The following AMELY variants were observed in gnomAD, a reference collection of about 807,000 sequenced individuals.
AMELY encodes amelogenin, Y isoform.
A neutral mutation model predicts 4.2 loss-of-function variants in AMELY; 4 were observed. That is an observed-to-expected ratio of 0.96 (90% CI 0.47 to 2.19). The LOEUF (loss-of-function observed/expected upper bound fraction) is 2.19, where lower values mean the gene tolerates loss of function less well. Among genes scored for constraint, AMELY ranks in the 30% most tolerant of loss-of-function variants. The pLI, the probability that AMELY is intolerant of heterozygous loss-of-function variation, is 0.02. For missense variants in AMELY, 32 were observed against 41.5 expected (o/e 0.77, Z 0.63); for synonymous variants, 11 against 14.7 (o/e 0.75, Z 0.57).
intron 1 of AMELY, among the ~76,000 whole-genome samples, chrY:6,891,809 C>T (rs866367976): frequency 8.9e-5 from 3 of 33,669 alleles, no homozygotes; most frequent in African/African-American, 3.5e-4. Context: ...ACAGGGAGTA[C>T]GAAAGGCTTG....
At chrY:6,868,593 G>T in intron 5 of AMELY, 131 bp from the exon 6 acceptor site, 1 of 321,528 alleles carries the variant, frequency 3.1e-6, no homozygotes. Context: ...ATTTGTAACT[G>T]TGTACACAGA....
At chrY:6,883,608 C>T in intron 1 of AMELY, among the ~76,000 whole-genome samples, 1 of 32,670 alleles carries the variant, frequency 3.1e-5, no homozygotes. Context: ...AAAAGAAAAG[C>T]TGATGAAGTG....
At chrY:6,910,211 G>A in intron 1 of AMELY, among the ~76,000 whole-genome samples, 1 of 32,535 alleles carries the variant, frequency 3.1e-5, no homozygotes, top group Non-Finnish European at 7.5e-5. Context: ...TTTTGCAAAG[G>A]GGGGAGCCTC....
At chrY:6,872,416 A>G (rs2054068679) in intron 3 of AMELY, 139 bp downstream of exon 3, 2 of 168,118 alleles carry the variant, frequency 1.2e-5, no homozygotes, top group East Asian at 2.3e-4. Flanking sequence ...TCATTCCCCA[A>G]AGTGTTTCTT....
At position 6,868,070 on chromosome Y, in the gene AMELY, C is replaced by A; in HGVS notation, c.540G>T (p.Trp180Cys). ...PILPDLHLEAWPATDKTKQEE... is the reference protein window; with the variant it reads ...PILPDLHLEACPATDKTKQEE... ...CCTGCTTGGTCTTGTCTGTTGCTGG[C>A]CAAGCTTCCAGATGCAGATCAGGAA... Residue 180 changes from tryptophan to cysteine, a missense_variant, in exon 6 of 7, where the codon TGG (tryptophan) becomes TGT (cysteine). Coordinates refer to ENST00000651267, the MANE Select transcript of AMELY (RefSeq NM_001143.2). 5 of 393,711 alleles carry A rather than the reference C, an allele frequency of 1.3e-5. No homozygotes were observed. Among genetic ancestry groups the A allele is most frequent in the Non-Finnish European group, 1.8e-5 (5 of 281,178 alleles).
chrY:6,889,839 T>A, intron 1 of AMELY, among the ~76,000 whole-genome samples: 1 of 31,292 alleles, frequency 3.2e-5, no homozygotes, highest in Non-Finnish European at 7.7e-5. Flanking sequence ...GTCACAGTGA[T>A]TTGGGAATGG....
At chrY:6,885,270 G>C (rs2054078625) in intron 1 of AMELY, among the ~76,000 whole-genome samples, 1 of 33,499 alleles carries the variant, frequency 3.0e-5, no homozygotes, top group Admixed American at 2.7e-4. Context: ...ACGAGGTCAG[G>C]AGATCGAGAC....
At chrY:6,902,649 C>A (rs2054090079) in intron 1 of AMELY, among the ~76,000 whole-genome samples, 1 of 31,463 alleles carries the variant, frequency 3.2e-5, no homozygotes, top group South Asian at 7.9e-4. Flanking sequence ...CTCCCGGGTA[C>A]AAGCGATTCT....
At chrY:6,894,151 T>C in intron 1 of AMELY, among the ~76,000 whole-genome samples, 1 of 33,217 alleles carries the variant, frequency 3.0e-5, no homozygotes, top group Non-Finnish European at 7.4e-5. Context: ...TCCTAGTTCC[T>C]AAACCCCAGC....
chrY:6,889,601 G>A, intron 1 of AMELY, among the ~76,000 whole-genome samples: 1 of 32,387 alleles, frequency 3.1e-5, no homozygotes, highest in African/African-American at 1.2e-4. Flanking sequence ...TCAACATGGT[G>A]AAACACTGTT....
At chrY:6,897,746 C>T in intron 1 of AMELY, among the ~76,000 whole-genome samples, 1 of 30,846 alleles carries the variant, frequency 3.2e-5, no homozygotes, top group Non-Finnish European at 7.8e-5. Context: ...GCTGGGAGTA[C>T]AGGCACATGC....
At chrY:6,894,437 T>TA (rs2054085140) in intron 1 of AMELY, among the ~76,000 whole-genome samples, 1 of 33,945 alleles carries the variant, frequency 2.9e-5, no homozygotes, top group African/African-American at 1.1e-4. Flanking sequence ...CCTTTCAGGC[T>TA]ACTTGTAATC....
chrY:6,886,979 G>A (rs1057082578), intron 1 of AMELY, among the ~76,000 whole-genome samples: 17 of 33,334 alleles, frequency 5.1e-4, no homozygotes, highest in Non-Finnish European at 1.0e-3. Flanking sequence ...CTGACTCATC[G>A]CACACACACA....
At chrY:6,886,481 T>C (rs2054080260) in intron 1 of AMELY, among the ~76,000 whole-genome samples, 1 of 33,593 alleles carries the variant, frequency 3.0e-5, no homozygotes, top group Non-Finnish European at 7.4e-5. Flanking sequence ...TAGACAAGCC[T>C]GGGCGATATA....
chrY:6,890,292 T>C, intron 1 of AMELY, among the ~76,000 whole-genome samples: 1 of 32,735 alleles, frequency 3.1e-5, no homozygotes, highest in Non-Finnish European at 7.4e-5. Flanking sequence ...CTGCCAAGCC[T>C]GTTCCATATA....
chrY:6,885,131 G>C, intron 1 of AMELY, among the ~76,000 whole-genome samples: 1 of 34,060 alleles, frequency 2.9e-5, no homozygotes, highest in Admixed American at 2.7e-4. Flanking sequence ...ACGGACTGCT[G>C]TTGGAATATA....
intron 1 of AMELY, among the ~76,000 whole-genome samples, chrY:6,908,273 T>C: frequency 9.8e-5 from 3 of 30,641 alleles, no homozygotes; most frequent in African/African-American, 3.9e-4. Context: ...CTGGCCAACA[T>C]GGTGAAACCC....
intron 1 of AMELY, among the ~76,000 whole-genome samples, chrY:6,886,490 T>C (rs778200448): frequency 1.7e-3 from 56 of 33,570 alleles, no homozygotes; most frequent in Admixed American, 1.6e-3. Flanking sequence ...CTGGGCGATA[T>C]AGCAAGAACC....
At chrY:6,869,481 T>TA (rs542106110) in intron 4 of AMELY, among the ~76,000 whole-genome samples, 1,559 of 33,213 alleles carry the variant, frequency 0.047, no homozygotes, top group Middle Eastern at 0.37. Context: ...ATGTAATCAA[T>TA]AAAAAAAATC....
Sources: gnomAD v4.1 joint callset for allele counts (sites outside exome capture counted in the v4.1 genomes callset) on GRCh38, gnomAD v4.1.1 for gene constraint, MANE v1.5 for transcripts, NCBI Gene and HGNC (gene_info 2026-07-23, HGNC 2026-07-21) for gene names.